Variants in STT3B observed in about 807,000 individuals in gnomAD.
STT3B encodes dolichyl-diphosphooligosaccharide--protein glycosyltransferase subunit STT3B.
A neutral mutation model predicts 96.8 loss-of-function variants in STT3B; 29 were observed. The ratio of observed to expected loss-of-function variants is 0.30; its 90% confidence interval spans 0.22 to 0.41. The LOEUF is 0.41. Ranked by LOEUF, STT3B falls within the 10% of genes least tolerant of loss-of-function variation. The pLI, the probability that STT3B is intolerant of heterozygous loss-of-function variation, is 1.00. For synonymous variants in STT3B, 367 were observed against 360.0 expected (o/e 1.02, Z -0.22); for missense variants, 640 against 1,022.3 (o/e 0.63, Z 5.10).
intron 7 of STT3B, among the ~76,000 whole-genome samples, chr3:31,617,414 G>T (rs531967361): frequency 8.6e-4 from 131 of 151,834 alleles, no homozygotes; most frequent in African/African-American, 2.9e-3. Flanking sequence ...ATCAGTTTCA[G>T]TCTGCTTCTG....
At chr3:31,616,335 G>A (rs1699306723) in intron 6 of STT3B, among the ~76,000 whole-genome samples, 1 of 151,814 alleles carries the variant, frequency 6.6e-6, no homozygotes, top group South Asian at 2.1e-4. Flanking sequence ...ATTATTTTAT[G>A]ACCTGCCTCA....
chr3:31,556,783 A>G (rs146219230), intron 1 of STT3B, among the ~76,000 whole-genome samples: 4 of 152,278 alleles, frequency 2.6e-5, no homozygotes, highest in Non-Finnish European at 4.4e-5. Flanking sequence ...TAGGTTCTGC[A>G]TATTAGTCCC....
intron 1 of STT3B, among the ~76,000 whole-genome samples, chr3:31,547,116 C>T (rs564249235): frequency 3.3e-4 from 50 of 152,072 alleles, no homozygotes; most frequent in African/African-American, 1.2e-3. Context: ...GGACTGAGGA[C>T]GTTTGATGTG....
chr3:31,623,632 C>T (rs373317156), intron 10 of STT3B, 42 bp from the exon 11 acceptor site: 7 of 1,471,780 alleles, frequency 4.8e-6, no homozygotes, highest in Non-Finnish European at 6.5e-6. Flanking sequence ...TGAAGCAAGT[C>T]AAATAATGAA....
intron 5 of STT3B, among the ~76,000 whole-genome samples, chr3:31,610,310 C>G (rs920698755): frequency 3.3e-5 from 5 of 152,050 alleles, no homozygotes; most frequent in African/African-American, 1.2e-4. Context: ...TGTGTTTTGG[C>G]TAATACTATT....
At chr3:31,577,432 C>G (rs1039008155) in intron 2 of STT3B, among the ~76,000 whole-genome samples, 1 of 152,010 alleles carries the variant, frequency 6.6e-6, no homozygotes, top group African/African-American at 2.4e-5. Flanking sequence ...TATAATTTCC[C>G]TGACTCATGG....
chr3:31,620,601 A>C (rs1699405199), intron 9 of STT3B, among the ~76,000 whole-genome samples: 1 of 152,240 alleles, frequency 6.6e-6, no homozygotes. Flanking sequence ...GAAATACAAA[A>C]TATTTAAATG....
chr3:31,621,487 A>G (rs550558380), intron 9 of STT3B, among the ~76,000 whole-genome samples: 2 of 152,396 alleles, frequency 1.3e-5, no homozygotes, highest in South Asian at 4.1e-4. Flanking sequence ...AGGAGCTCAC[A>G]TGACTCACTG....
intron 13 of STT3B, among the ~76,000 whole-genome samples, chr3:31,626,771 TA>T (rs1444728298): frequency 6.6e-6 from 1 of 152,194 alleles, no homozygotes; most frequent in Non-Finnish European, 1.5e-5. Context: ...GAATTTATAG[TA>T]AAGTAGTTGA....
chr3:31,608,975 CT>C (rs1161422921), intron 5 of STT3B, among the ~76,000 whole-genome samples: 1 of 152,038 alleles, frequency 6.6e-6, no homozygotes, highest in East Asian at 1.9e-4. Flanking sequence ...ATTAGCTGGG[CT>C]TGGTGGCATG....
Position 31,636,453 on chromosome 3 carries a change from G to A in STT3B, c.*389G>A, listed in dbSNP as rs185276009. The stretch of plus-strand genomic sequence containing the variant: ...GCATTTTATTTGAATTACCCGAATA[G>A]CAATATGTAAAATACAAGTGACAAA... On this transcript the variant is annotated 3_prime_UTR_variant, in exon 16 of 16. Coordinates refer to ENST00000295770, the MANE Select transcript of STT3B (RefSeq NM_178862.3). The A allele has an allele frequency of 6.4e-6, 1 of 157,288 alleles. No individual in the cohort carries two copies. The highest frequency in any genetic ancestry group is 6.5e-5 in the Admixed American group (1 of 15,430). The allele number at this position is 157,288 out of a possible 1,614,324, so 9.7% of individuals were successfully genotyped here.
chr3:31,633,069 A>G lies in STT3B; in HGVS notation c.2322A>G (p.Ala774=), dbSNP rs140420950. Residue 774 remains alanine (A), a synonymous_variant, in exon 15 of 16, where the codon GCA becomes GCG. Transcript: ENST00000295770. ...TTGTTAGGATATATAAAGTAAAAGC[A>G]CCTGATAACAGGGAGACATTAGATC... The part of the protein sequence containing the change: ...HWLVRIYKVK[A]PDNRETLDHK... The G allele has an allele frequency of 1.8e-4, 288 of 1,614,140 alleles. 2 individuals carry two copies. In the African/African-American group the frequency reaches 3.7e-3, roughly 21 times the overall value.
intron 3 of STT3B, among the ~76,000 whole-genome samples, chr3:31,582,403 C>G (rs1475707742): frequency 2.0e-5 from 3 of 150,238 alleles, no homozygotes; most frequent in Non-Finnish European, 4.4e-5. Context: ...TCAAGCGATT[C>G]TCTGCCTCAG....
chr3:31,588,243 C>T (rs1209738061), intron 3 of STT3B, among the ~76,000 whole-genome samples: 11 of 151,854 alleles, frequency 7.2e-5, no homozygotes, highest in Admixed American at 2.0e-4. Flanking sequence ...AGTCACTGGC[C>T]GCATGTATAT....
In STT3B at chr3:31,533,247, C is replaced by T. The variant is rs370416470; in HGVS notation, c.249C>T (p.Ala83=). Residue 83 remains alanine (A), a synonymous_variant, in exon 1 of 16, where the codon GCC becomes GCT. Transcript: ENST00000295770. ...SFTILFLAWL[A]GFSSRLFAVI... ...CCATCCTCTTCCTGGCCTGGCTTGC[C>T]GGCTTCAGCTCGCGCCTCTTCGCCG... 2.6e-5 allele frequency: 39 copies of T among 1,509,714 alleles called. No individual in the cohort carries two copies. Among genetic ancestry groups the T allele is most frequent in the Admixed American group, 8.6e-5 (4 of 46,700 alleles). The allele number at this position is 1,509,714 out of a possible 1,614,324, so 93.5% of individuals were successfully genotyped here.
At chr3:31,599,089 G>A (rs546864531) in intron 4 of STT3B, among the ~76,000 whole-genome samples, 5 of 152,292 alleles carry the variant, frequency 3.3e-5, no homozygotes, top group Admixed American at 1.3e-4. Context: ...GATTACAGGC[G>A]TGAGCCAATG....
At chr3:31,625,161 A>G in intron 12 of STT3B, 76 bp downstream of exon 12, 2 of 1,343,916 alleles carry the variant, frequency 1.5e-6, no homozygotes, top group Non-Finnish European at 2.0e-6. Context: ...GTGACTAAAT[A>G]GGAAAAATGT....
chr3:31,625,903 A>C, intron 12 of STT3B, 51 bp from the exon 13 acceptor site: 1 of 1,455,812 alleles, frequency 6.9e-7, no homozygotes, highest in Non-Finnish European at 9.2e-7. Flanking sequence ...ATTGATTTTT[A>C]TGAATGTGGG....
chr3:31,601,167 T>G (rs1698919342), intron 5 of STT3B, among the ~76,000 whole-genome samples: 1 of 152,196 alleles, frequency 6.6e-6, no homozygotes, highest in Non-Finnish European at 1.5e-5. Flanking sequence ...AACCATAGAT[T>G]CGTCATATGA....
Sources: gnomAD v4.1 joint callset for allele counts (sites outside exome capture counted in the v4.1 genomes callset) on GRCh38, gnomAD v4.1.1 for gene constraint, MANE v1.5 for transcripts, NCBI Gene and HGNC (gene_info 2026-07-23, HGNC 2026-07-21) for gene names.